Variants in CHSY3 observed in about 807,000 individuals in gnomAD.
CHSY3 encodes N-acetylgalactosaminyl-proteoglycan 3-beta-glucuronosyltransferase 3.
CHSY3 carries 35 observed loss-of-function variants against 67.2 expected under a neutral mutation model. That is an observed-to-expected ratio of 0.52 (90% CI 0.40 to 0.69). The LOEUF (loss-of-function observed/expected upper bound fraction) is 0.69. Ranked by LOEUF, CHSY3 falls within the 30% of genes least tolerant of loss-of-function variation. The pLI, the probability that CHSY3 is intolerant of heterozygous loss-of-function variation, is 0.00. For missense variants in CHSY3, 1,069 were observed against 1,138.5 expected, an observed-to-expected ratio of 0.94 and a Z score of 0.88; for synonymous variants, 474 against 434.7, an observed-to-expected ratio of 1.09 and a Z score of -1.12.
intron 1 of CHSY3, chr5:129,905,889 T>A: frequency 4.7e-5 from 35 of 746,700 alleles, no homozygotes; most frequent in South Asian, 1.7e-4. Context: ...CGGTGCCGCC[T>A]CGCGCTTGTC....
At chr5:130,183,336 T>C (rs1770306196) in intron 2 of CHSY3, among the ~76,000 whole-genome samples, 1 of 152,176 alleles carries the variant, frequency 6.6e-6, no homozygotes, top group Non-Finnish European at 1.5e-5. Flanking sequence ...AGCATGTCTA[T>C]TTTGGGTATG....
At chr5:129,961,154 G>A (rs765197340) in intron 2 of CHSY3, among the ~76,000 whole-genome samples, 1 of 152,134 alleles carries the variant, frequency 6.6e-6, no homozygotes, top group Non-Finnish European at 1.5e-5. Context: ...AGGGGTAATT[G>A]CTTCCTTCCT....
intron 2 of CHSY3, among the ~76,000 whole-genome samples, chr5:129,962,203 G>T (rs536775587): frequency 4.6e-5 from 7 of 151,892 alleles, no homozygotes; most frequent in Non-Finnish European, 1.0e-4. Context: ...ATGGCTGAAC[G>T]CATAACCTTC....
At chr5:130,147,856 T>C (rs1475665611) in intron 2 of CHSY3, among the ~76,000 whole-genome samples, 6 of 152,184 alleles carry the variant, frequency 3.9e-5, no homozygotes. Context: ...AATTGAGAAG[T>C]AATTTTTTAA....
chr5:130,142,949 A>G (rs1768912493), intron 2 of CHSY3, among the ~76,000 whole-genome samples: 1 of 152,224 alleles, frequency 6.6e-6, no homozygotes. Flanking sequence ...CTAAAGACAC[A>G]TTAATAATGT....
chr5:129,919,467 T>G (rs1760846301), intron 2 of CHSY3, among the ~76,000 whole-genome samples: 1 of 152,132 alleles, frequency 6.6e-6, no homozygotes, highest in Non-Finnish European at 1.5e-5. Flanking sequence ...AAAAGAGGTT[T>G]AATGGACTCA....
chr5:130,018,053 T>C (rs1358767576), intron 2 of CHSY3, among the ~76,000 whole-genome samples: 1 of 152,200 alleles, frequency 6.6e-6, no homozygotes, highest in Non-Finnish European at 1.5e-5. Flanking sequence ...CAAAGTAGGT[T>C]GTAGAGGTAC....
At chr5:130,039,114 C>A (rs1764937893) in intron 2 of CHSY3, among the ~76,000 whole-genome samples, 1 of 152,086 alleles carries the variant, frequency 6.6e-6, no homozygotes, top group African/African-American at 2.4e-5. Context: ...CCAATTAAAG[C>A]TTCACACAGA....
intron 2 of CHSY3, among the ~76,000 whole-genome samples, chr5:129,998,052 A>G (rs1473024980): frequency 6.6e-6 from 1 of 152,144 alleles, no homozygotes; most frequent in Non-Finnish European, 1.5e-5. Flanking sequence ...GTCAAATGGT[A>G]TTTCTAGTTC....
intron 2 of CHSY3, among the ~76,000 whole-genome samples, chr5:130,178,843 T>C (rs1770158109): frequency 6.6e-6 from 1 of 152,250 alleles, no homozygotes; most frequent in African/African-American, 2.4e-5. Flanking sequence ...GTCAGTTGTC[T>C]GGCTGCACAA....
intron 2 of CHSY3, among the ~76,000 whole-genome samples, chr5:130,125,438 G>GATAGATAGATAGATAA (rs1310057829): frequency 1.5e-3 from 235 of 152,082 alleles, no homozygotes; most frequent in African/African-American, 5.4e-3. Flanking sequence ...TAGATAGATA[G>GATAGATAGATAGATAA]ATAGATAGAT....
At chr5:130,181,686 A>G (rs552035013) in intron 2 of CHSY3, among the ~76,000 whole-genome samples, 12 of 152,080 alleles carry the variant, frequency 7.9e-5, no homozygotes, top group Non-Finnish European at 1.6e-4. Flanking sequence ...CATTACCAGC[A>G]CTCCAGAAGC....
intron 2 of CHSY3, among the ~76,000 whole-genome samples, chr5:130,010,460 ATC>A (rs1386724331): frequency 6.6e-6 from 1 of 152,226 alleles, no homozygotes; most frequent in Non-Finnish European, 1.5e-5. Flanking sequence ...ATACACCAGA[ATC>A]TCTGTGACAC....
At chr5:130,099,543 C>T (rs1001819080) in intron 2 of CHSY3, among the ~76,000 whole-genome samples, 7 of 152,054 alleles carry the variant, frequency 4.6e-5, no homozygotes, top group African/African-American at 4.8e-5. Flanking sequence ...TGTCTGTACG[C>T]GAATGTGTGA....
At chr5:130,157,417 G>A (rs1769403732) in intron 2 of CHSY3, among the ~76,000 whole-genome samples, 2 of 152,210 alleles carry the variant, frequency 1.3e-5, no homozygotes, top group Admixed American at 1.3e-4. Flanking sequence ...CTGCATAGCA[G>A]CAGACCTAAG....
chr5:130,119,516 A>G (rs1362815118), intron 2 of CHSY3, among the ~76,000 whole-genome samples: 1 of 152,012 alleles, frequency 6.6e-6, no homozygotes, highest in Non-Finnish European at 1.5e-5. Context: ...CCCCATGGCC[A>G]CTTTTTCCCT....
chr5:130,024,801 A>G (rs1404764433), intron 2 of CHSY3, among the ~76,000 whole-genome samples: 4 of 152,166 alleles, frequency 2.6e-5, no homozygotes, highest in African/African-American at 9.6e-5. Context: ...GTCACTTTGT[A>G]AACTACAGTG....
intron 2 of CHSY3, among the ~76,000 whole-genome samples, chr5:130,049,016 C>T (rs561253239): frequency 1.3e-5 from 2 of 152,024 alleles, no homozygotes; most frequent in Non-Finnish European, 1.5e-5. Context: ...CGCACACACA[C>T]ACAGAATTCT....
At chr5:130,101,289 C>A (rs1047820681) in intron 2 of CHSY3, among the ~76,000 whole-genome samples, 5 of 152,226 alleles carry the variant, frequency 3.3e-5, no homozygotes, top group Middle Eastern at 3.4e-3. Context: ...CTGTCTTTTA[C>A]TGTATCATTT....
Sources: allele counts gnomAD v4.1 joint callset (sites outside exome capture counted in the v4.1 genomes callset), GRCh38; gene constraint gnomAD v4.1.1; transcripts MANE v1.5; gene names NCBI Gene and HGNC (gene_info 2026-07-23, HGNC 2026-07-21).